Variants in NRG3 observed in about 807,000 individuals in gnomAD.
The protein encoded by NRG3 is pro-neuregulin-3, membrane-bound isoform.
NRG3 carries 31 observed loss-of-function variants against 66.9 expected under a neutral mutation model. The observed-to-expected ratio is 0.46, with a 90% CI of 0.35 to 0.63. The LOEUF is 0.63. Among genes scored for constraint, NRG3 ranks in the 20% least tolerant of loss-of-function variants. The probability of loss-of-function intolerance (pLI) is 0.00; values close to 1 mark genes in which losing one functional copy is unlikely to be tolerated. For synonymous variants in NRG3, 393 were observed against 359.4 expected (o/e 1.09, Z -1.06); for missense variants, 910 against 878.9 (o/e 1.04, Z -0.45).
intron 1 of NRG3, among the ~76,000 whole-genome samples, chr10:82,179,828 T>C (rs1471549090): frequency 6.6e-6 from 1 of 151,916 alleles, no homozygotes; most frequent in Non-Finnish European, 1.5e-5. Context: ...TTTGATACCA[T>C]AGACATTTTA....
intron 2 of NRG3, among the ~76,000 whole-genome samples, chr10:82,482,241 TATC>T (rs1203796221): frequency 6.6e-6 from 1 of 152,154 alleles, no homozygotes; most frequent in Non-Finnish European, 1.5e-5. Context: ...TATTTTTAGT[TATC>T]ATGTTGTCTT....
intron 2 of NRG3, among the ~76,000 whole-genome samples, chr10:82,500,009 T>C (rs1844009924): frequency 6.6e-6 from 1 of 152,164 alleles, no homozygotes; most frequent in Admixed American, 6.6e-5. Flanking sequence ...TTGAAAACTA[T>C]ATATGAATAA....
chr10:82,216,089 T>C (rs1465479344), intron 1 of NRG3, among the ~76,000 whole-genome samples: 1 of 98,792 alleles, frequency 1.0e-5, no homozygotes, highest in Non-Finnish European at 1.8e-5. Flanking sequence ...TGCCTCAGCC[T>C]CCCAAGTAGA....
At chr10:82,199,304 A>G (rs571717869) in intron 1 of NRG3, among the ~76,000 whole-genome samples, 4 of 152,242 alleles carry the variant, frequency 2.6e-5, no homozygotes, top group Admixed American at 6.5e-5. Flanking sequence ...CAAGTTTCTC[A>G]AACCTAAACC....
chr10:82,462,395 C>CATAT (rs139240439), intron 2 of NRG3, among the ~76,000 whole-genome samples: 37 of 150,706 alleles, frequency 2.5e-4, no homozygotes, highest in Middle Eastern at 3.4e-3. Flanking sequence ...TACATATACA[C>CATAT]ATATATATAT....
intron 1 of NRG3, among the ~76,000 whole-genome samples, chr10:82,049,691 C>G (rs879545511): frequency 1.3e-5 from 2 of 151,972 alleles, no homozygotes; most frequent in Non-Finnish European, 2.9e-5. Context: ...AAGAGAGGGT[C>G]TATGGAGAAC....
intron 3 of NRG3, among the ~76,000 whole-genome samples, chr10:82,808,200 A>G (rs1443940414): frequency 6.7e-6 from 1 of 149,550 alleles, no homozygotes; most frequent in Non-Finnish European, 1.5e-5. Flanking sequence ...ACACGTAGTA[A>G]AAAAAAAAAA....
intron 1 of NRG3, among the ~76,000 whole-genome samples, chr10:82,155,243 G>A (rs1309912076): frequency 6.6e-6 from 1 of 151,742 alleles, no homozygotes; most frequent in Non-Finnish European, 1.5e-5. Context: ...TCAATGTAGA[G>A]TTACAAAATG....
At chr10:82,011,884 T>C (rs1170548059) in intron 1 of NRG3, among the ~76,000 whole-genome samples, 1 of 152,142 alleles carries the variant, frequency 6.6e-6, no homozygotes, top group African/African-American at 2.4e-5. Context: ...TTTCAGAGGC[T>C]GGTGTTGAGT....
At position 82,080,926 on chromosome 10, in the gene NRG3, C is replaced by G. The variant is rs187790167; in HGVS notation, c.823+204763C>G. Among the ~76,000 whole-genome samples the G allele has an allele frequency of 2.6e-5, 4 of 152,254 alleles. No homozygotes were observed. The East Asian group carries it at 5.8e-4, about 22-fold the overall frequency. On this transcript the variant is annotated intron_variant, in intron 1 of 8. Transcript: ENST00000372141. ...TTCCTTCCCTCCCCAACATCCCCAG[C>G]CTTGGTAACCTGTATTCTACTTTCT...
intron 2 of NRG3, among the ~76,000 whole-genome samples, chr10:82,455,865 A>G (rs1361038530): frequency 1.3e-5 from 2 of 152,064 alleles, no homozygotes; most frequent in South Asian, 2.1e-4. Flanking sequence ...TGATCCGCCC[A>G]CTTCTGCCTC....
chr10:81,893,308 A>G (rs1394226216), intron 1 of NRG3, among the ~76,000 whole-genome samples: 1 of 152,166 alleles, frequency 6.6e-6, no homozygotes, highest in South Asian at 2.1e-4. Flanking sequence ...CTATAACCCT[A>G]TATTTAATGG....
At chr10:82,856,632 T>A (rs2063816833) in intron 3 of NRG3, among the ~76,000 whole-genome samples, 1 of 149,716 alleles carries the variant, frequency 6.7e-6, no homozygotes, top group South Asian at 2.1e-4. Context: ...TAATCCCAGC[T>A]ACTTGGGGGG....
intron 1 of NRG3, among the ~76,000 whole-genome samples, chr10:81,991,972 A>G (rs1051797835): frequency 3.9e-5 from 6 of 152,134 alleles, no homozygotes; most frequent in Non-Finnish European, 1.5e-5. Flanking sequence ...AGATTGAGAC[A>G]AAGTGTCATG....
At chr10:82,015,098 T>A (rs114295667) in intron 1 of NRG3, among the ~76,000 whole-genome samples, 4,497 of 152,250 alleles carry the variant, frequency 0.03, 237 homozygotes, top group African/African-American at 0.1. Context: ...TGCATTGAAA[T>A]CATCATATAG....
intron 3 of NRG3, among the ~76,000 whole-genome samples, chr10:82,747,578 C>T (rs1459880072): frequency 6.6e-6 from 1 of 151,916 alleles, no homozygotes; most frequent in South Asian, 2.1e-4. Context: ...CCTTGATTGC[C>T]AGCAATATTG....
chr10:82,327,325 C>T (rs916028105), intron 1 of NRG3, among the ~76,000 whole-genome samples: 2 of 152,160 alleles, frequency 1.3e-5, no homozygotes, highest in African/African-American at 4.8e-5. Context: ...GACATGGTAC[C>T]AGATTTTTCT....
intron 2 of NRG3, among the ~76,000 whole-genome samples, chr10:82,530,593 T>A (rs1285725641): frequency 6.6e-6 from 1 of 151,960 alleles, no homozygotes; most frequent in African/African-American, 2.4e-5. Flanking sequence ...CAAACTCAGT[T>A]GGGAAATTTT....
intron 1 of NRG3, among the ~76,000 whole-genome samples, chr10:82,109,122 T>C (rs917289964): frequency 6.6e-6 from 1 of 152,086 alleles, no homozygotes; most frequent in Non-Finnish European, 1.5e-5. Flanking sequence ...CCAATTATAC[T>C]AGTCGCTAAT....
Sources: gnomAD v4.1 joint callset for allele counts (sites outside exome capture counted in the v4.1 genomes callset) on GRCh38, gnomAD v4.1.1 for gene constraint, MANE v1.5 for transcripts, NCBI Gene and HGNC (gene_info 2026-07-23, HGNC 2026-07-21) for gene names.